Variants in CAST observed in about 807,000 individuals in gnomAD.
CAST encodes calpastatin, also known as MIR583 host.
CAST carries 76 observed loss-of-function variants against 119.6 expected under a neutral mutation model. That is an observed-to-expected ratio of 0.64 (90% confidence interval 0.53 to 0.77). The LOEUF is 0.77. CAST is among the 30% of genes least tolerant of loss of function. The pLI is 0.00. For missense variants in CAST, 953 were observed against 946.5 expected (o/e 1.01, Z -0.09); for synonymous variants, 319 against 331.6 (o/e 0.96, Z 0.41).
chr5:96,529,373 T>G (rs112450943), upstream of CAST, among the ~76,000 whole-genome samples: 99 of 22,350 alleles, frequency 4.4e-3, no homozygotes, highest in Admixed American at 0.015. Context: ...AATCATTGGG[T>G]TTTTTTTTTT....
the CAST span, among the ~76,000 whole-genome samples, chr5:96,465,796 CT>C: frequency 6.6e-6 from 1 of 152,230 alleles, no homozygotes; most frequent in South Asian, 2.1e-4. Context: ...TTCTCAAGAT[CT>C]GGAACTAAGT....
At chr5:96,461,148 T>A in the CAST span, among the ~76,000 whole-genome samples, 3 of 152,190 alleles carry the variant, frequency 2.0e-5, no homozygotes, top group Non-Finnish European at 4.4e-5. Flanking sequence ...TTTCACTTAA[T>A]GCAATGCTTT....
At chr5:96,288,641 A>T in the CAST span, among the ~76,000 whole-genome samples, 1 of 152,202 alleles carries the variant, frequency 6.6e-6, no homozygotes, top group Non-Finnish European at 1.5e-5. Context: ...TTTCCAAAAG[A>T]CTGGGAAACC....
At chr5:96,251,675 A>G in the CAST span, among the ~76,000 whole-genome samples, 1 of 152,278 alleles carries the variant, frequency 6.6e-6, no homozygotes, top group Non-Finnish European at 1.5e-5. Context: ...AGAGAAGCCC[A>G]GACCTAGCTA....
intron 1 of CAST, among the ~76,000 whole-genome samples, chr5:96,627,944 C>G (rs1199563406): frequency 6.6e-6 from 1 of 152,164 alleles, no homozygotes; most frequent in African/African-American, 2.4e-5. Flanking sequence ...AAAGTGAAGG[C>G]AGAATATTTG....
chr5:96,646,708 G>A (rs888355738), intron 1 of CAST, among the ~76,000 whole-genome samples: 80 of 152,172 alleles, frequency 5.3e-4, no homozygotes, highest in African/African-American at 1.8e-3. Context: ...TCTCATCATC[G>A]ATTGATTTTT....
chr5:96,323,886 C>G, the CAST span, among the ~76,000 whole-genome samples: 3 of 152,184 alleles, frequency 2.0e-5, no homozygotes, highest in Non-Finnish European at 4.4e-5. Context: ...GTCCTTCCCT[C>G]TAGACCACGT....
chr5:96,318,029 A>AGTT, the CAST span, among the ~76,000 whole-genome samples: 2 of 152,246 alleles, frequency 1.3e-5, no homozygotes, highest in Non-Finnish European at 2.9e-5. Flanking sequence ...TGGCGTGGTC[A>AGTT]GTTGTTGTAA....
intron 4 of CAST, 97 bp from the exon 5 acceptor site, chr5:96,726,697 T>C: frequency 1.3e-6 from 1 of 792,564 alleles, no homozygotes; most frequent in Non-Finnish European, 2.1e-6. Context: ...AATAGATGAA[T>C]AGAATTGATA....
At chr5:96,074,915 C>T in the CAST span, among the ~76,000 whole-genome samples, 2 of 152,164 alleles carry the variant, frequency 1.3e-5, no homozygotes, top group Non-Finnish European at 2.9e-5. Context: ...TGATTTAGCT[C>T]TTACATGGTG....
At chr5:96,741,150 C>G (rs915179541) in intron 13 of CAST, 116 bp from the exon 14 acceptor site, 2 of 655,312 alleles carry the variant, frequency 3.1e-6, no homozygotes, top group Non-Finnish European at 5.5e-6. Context: ...CATTAACACA[C>G]CTCATTTGGT....
chr5:96,628,946 C>T (rs928008051), intron 1 of CAST, among the ~76,000 whole-genome samples: 1 of 152,268 alleles, frequency 6.6e-6, no homozygotes, highest in Non-Finnish European at 1.5e-5. Flanking sequence ...TGAATGTATC[C>T]CCCAAAAGTT....
the CAST span, among the ~76,000 whole-genome samples, chr5:96,305,961 G>T: frequency 6.6e-6 from 1 of 152,190 alleles, no homozygotes; most frequent in Non-Finnish European, 1.5e-5. Context: ...GATGATACTG[G>T]CCTCATAAAA....
the CAST span, among the ~76,000 whole-genome samples, chr5:96,142,660 T>G: frequency 6.6e-6 from 1 of 152,174 alleles, no homozygotes; most frequent in African/African-American, 2.4e-5. Flanking sequence ...CAAGTGAACT[T>G]TCAACAATGT....
At chr5:96,434,652 G>A in the CAST span, among the ~76,000 whole-genome samples, 1 of 150,048 alleles carries the variant, frequency 6.7e-6, no homozygotes, top group Non-Finnish European at 1.5e-5. Flanking sequence ...AAGCTCAACC[G>A]CCCGAGGGCG....
At chr5:96,666,257 A>AACACACACACACAC (rs10529318) in intron 1 of CAST, among the ~76,000 whole-genome samples, 1,563 of 150,136 alleles carry the variant, frequency 0.01, 20 homozygotes, top group African/African-American at 0.034. Context: ...GGTTGTAGTA[A>AACACACACACACAC]ACACACACAC....
the CAST span, among the ~76,000 whole-genome samples, chr5:96,414,265 T>A: frequency 6.6e-6 from 1 of 152,190 alleles, no homozygotes; most frequent in African/African-American, 2.4e-5. Flanking sequence ...TCATGTGCAT[T>A]CATGATAGTC....
intron 2 of CAST, among the ~76,000 whole-genome samples, chr5:96,678,975 A>G (rs147008940): frequency 3.9e-5 from 6 of 152,220 alleles, no homozygotes; most frequent in South Asian, 2.1e-4. Flanking sequence ...CACAACCATT[A>G]AGTAATCCTA....
At chr5:96,396,133 A>G in the CAST span, among the ~76,000 whole-genome samples, 1 of 152,206 alleles carries the variant, frequency 6.6e-6, no homozygotes, top group South Asian at 2.1e-4. Context: ...ACATTTTACA[A>G]CTTCCATTTC....
Sources: gnomAD v4.1 joint callset for allele counts (sites outside exome capture counted in the v4.1 genomes callset) on GRCh38, gnomAD v4.1.1 for gene constraint, MANE v1.5 for transcripts, NCBI Gene and HGNC (gene_info 2026-07-23, HGNC 2026-07-21) for gene names.